Variants in MCTP1 observed in about 807,000 individuals in gnomAD.
The protein encoded by MCTP1 is multiple C2 and transmembrane domain-containing protein 1.
A neutral mutation model predicts 120.6 loss-of-function variants in MCTP1; 69 were observed. That is an observed-to-expected ratio of 0.57 (90% CI 0.47 to 0.70). The LOEUF (loss-of-function observed/expected upper bound fraction) is 0.70. Ranked by LOEUF, MCTP1 falls within the 30% of genes least tolerant of loss-of-function variation. The pLI is 0.00. For missense variants in MCTP1, 1,203 were observed against 1,248.8 expected (o/e 0.96, Z 0.55); for synonymous variants, 529 against 493.1 (o/e 1.07, Z -0.96).
intron 16 of MCTP1, 109 bp from the exon 17 acceptor site, chr5:94,868,561 T>C (rs1680398131): frequency 5.3e-6 from 4 of 754,920 alleles, no homozygotes; most frequent in Non-Finnish European, 7.6e-6. Flanking sequence ...AGAAAGTTAA[T>C]AAAGTTACAA....
chr5:94,866,141 TG>T (rs1394277318), intron 17 of MCTP1, among the ~76,000 whole-genome samples: 1 of 151,962 alleles, frequency 6.6e-6, no homozygotes, highest in Non-Finnish European at 1.5e-5. Context: ...CTTATTTATC[TG>T]GCATCATTGA....
rs146495494 is a variant in MCTP1, at chr5:94,722,462, T to C, written c.2611-7576A>G. Among the ~76,000 whole-genome samples, 12 of 152,312 alleles carry C rather than the reference T, an allele frequency of 7.9e-5. No individual in the cohort carries two copies. The East Asian group carries it at 2.3e-3, about 29-fold the overall frequency. On this transcript the variant is annotated intron_variant, in intron 19 of 22. Coordinates refer to ENST00000515393, the MANE Select transcript of MCTP1 (RefSeq NM_024717.7). ...TCAGAATTAGCAGGTATGTAGAATATATTTGCTACAAATATTACTATTATA... is the reference window on the plus strand; with the variant it reads ...TCAGAATTAGCAGGTATGTAGAATACATTTGCTACAAATATTACTATTATA...
chr5:94,740,786 T>C (rs1343608129), intron 19 of MCTP1, among the ~76,000 whole-genome samples: 1 of 152,002 alleles, frequency 6.6e-6, no homozygotes, highest in Non-Finnish European at 1.5e-5. Flanking sequence ...TCTTGAGGAG[T>C]TGAACAGACC....
At chr5:95,058,149 G>T (rs979712169) in intron 1 of MCTP1, among the ~76,000 whole-genome samples, 1 of 152,070 alleles carries the variant, frequency 6.6e-6, no homozygotes, top group Non-Finnish European at 1.5e-5. Flanking sequence ...GCTTCGGCTC[G>T]TTGCTCTTAG....
chr5:95,235,406 G>T (rs1037207999), intron 1 of MCTP1, among the ~76,000 whole-genome samples: 2 of 151,842 alleles, frequency 1.3e-5, no homozygotes, highest in Admixed American at 6.6e-5. Flanking sequence ...CAAAAGAAAA[G>T]GACGTGCATT....
At chr5:95,183,664 TA>T (rs1748866794) in intron 1 of MCTP1, among the ~76,000 whole-genome samples, 1 of 151,544 alleles carries the variant, frequency 6.6e-6, no homozygotes, top group East Asian at 1.9e-4. Flanking sequence ...ACAAGCAAAA[TA>T]ATTGGGCAAA....
intron 17 of MCTP1, among the ~76,000 whole-genome samples, chr5:94,850,437 C>T (rs758336834): frequency 4.6e-5 from 7 of 152,140 alleles, no homozygotes; most frequent in Admixed American, 3.9e-4. Flanking sequence ...TGGAGAGCTT[C>T]TGTGGTGCAA....
chr5:94,934,520 G>A (rs890528542), intron 5 of MCTP1, among the ~76,000 whole-genome samples: 3 of 151,582 alleles, frequency 2.0e-5, no homozygotes, highest in African/African-American at 2.4e-5. Context: ...AAGACTCCAC[G>A]ATCTCAATCC....
intron 1 of MCTP1, among the ~76,000 whole-genome samples, chr5:95,063,387 A>C (rs1307729659): frequency 6.6e-6 from 1 of 152,130 alleles, no homozygotes; most frequent in African/African-American, 2.4e-5. Flanking sequence ...CAGTAAACAA[A>C]TCCATGGTGG....
intron 1 of MCTP1, among the ~76,000 whole-genome samples, chr5:95,171,811 C>T (rs1157145295): frequency 6.6e-6 from 1 of 150,536 alleles, no homozygotes; most frequent in Non-Finnish European, 1.5e-5. Context: ...AGCCATTCAT[C>T]TCATCTTTTT....
intron 1 of MCTP1, among the ~76,000 whole-genome samples, chr5:95,074,392 C>T (rs373286116): frequency 2.0e-5 from 3 of 152,316 alleles, no homozygotes; most frequent in South Asian, 4.1e-4. Flanking sequence ...TGGCTGGCAA[C>T]TCCTAGGGCA....
At chr5:95,010,097 C>T (rs1031097716) in intron 2 of MCTP1, among the ~76,000 whole-genome samples, 1 of 152,090 alleles carries the variant, frequency 6.6e-6, no homozygotes, top group Non-Finnish European at 1.5e-5. Context: ...GTGAGGGCAT[C>T]CTTGTCACAC....
chr5:94,979,423 T>G (rs1828907699), intron 2 of MCTP1: 1 of 152,128 alleles, frequency 6.6e-6, no homozygotes, highest in South Asian at 2.1e-4. Context: ...GGACTTTGAC[T>G]GTTTCTCTTG....
At chr5:95,181,565 A>G (rs76382162) in intron 1 of MCTP1, among the ~76,000 whole-genome samples, 3,255 of 152,198 alleles carry the variant, frequency 0.021, 116 homozygotes, top group African/African-American at 0.074. Flanking sequence ...ACCTCTTGAT[A>G]TTCCATTATA....
At chr5:95,083,779 G>A (rs1224413511) in intron 1 of MCTP1, among the ~76,000 whole-genome samples, 1 of 152,094 alleles carries the variant, frequency 6.6e-6, no homozygotes, top group Admixed American at 6.5e-5. Flanking sequence ...GCCCTCTACT[G>A]CAATGATGAA....
rs1754733566 is a variant in MCTP1 at position 94,706,745 on chromosome 5, G to A, written c.*751C>T. The A allele has an allele frequency of 6.6e-6, 1 of 151,650 alleles. No individual in the cohort carries two copies. The highest frequency in any genetic ancestry group is 2.1e-4 in the South Asian group (1 of 4,822). The allele number at this position is 151,650 out of a possible 1,614,324, so 9.4% of individuals were successfully genotyped here. On this transcript the variant is annotated 3_prime_UTR_variant, in exon 23 of 23. Coordinates refer to ENST00000515393, the MANE Select transcript of MCTP1 (RefSeq NM_024717.7). ...AACTGTATAAATTAAAGTAGTGGTA[G>A]GTATAAAAATTCAGATAGGCAATCG...
chr5:95,271,816 A>G (rs460963), intron 1 of MCTP1, among the ~76,000 whole-genome samples: 127,968 of 151,680 alleles, frequency 0.84, 54,059 homozygotes, highest in African/African-American at 0.9. Flanking sequence ...ATAGATAGAT[A>G]TAAAATATTT....
chr5:95,013,765 GGAGATAA>G (rs1423251695), intron 2 of MCTP1, among the ~76,000 whole-genome samples: 1 of 152,086 alleles, frequency 6.6e-6, no homozygotes, highest in Middle Eastern at 3.2e-3. Flanking sequence ...AGATGTACAA[GGAGATAA>G]GTATTGTTTT....
chr5:94,882,324 G>A (rs950534474), intron 12 of MCTP1, among the ~76,000 whole-genome samples: 3 of 152,010 alleles, frequency 2.0e-5, no homozygotes, highest in African/African-American at 7.2e-5. Context: ...CATCCCCAGT[G>A]ACATCAATCC....
Sources: allele counts gnomAD v4.1 joint callset (sites outside exome capture counted in the v4.1 genomes callset), GRCh38; gene constraint gnomAD v4.1.1; transcripts MANE v1.5; gene names NCBI Gene and HGNC (gene_info 2026-07-23, HGNC 2026-07-21).